The following CUX1 variants were observed in gnomAD, a reference collection of about 807,000 sequenced individuals.
CUX1 encodes the protein protein CASP.
A neutral mutation model predicts 158.8 loss-of-function variants in CUX1; 31 were observed. The ratio of observed to expected loss-of-function variants is 0.20; its 90% CI spans 0.15 to 0.26. CUX1 has a LOEUF of 0.26. CUX1 is among the 10% of genes least tolerant of loss of function. The pLI is 1.00. For synonymous variants in CUX1, 879 were observed against 862.1 expected (o/e 1.02, Z -0.34); for missense variants, 1,589 against 2,014.6 (o/e 0.79, Z 4.04).
At chr7:102,204,054 T>C (rs1795711824) in intron 18 of CUX1, among the ~76,000 whole-genome samples, 1 of 152,110 alleles carries the variant, frequency 6.6e-6, no homozygotes, top group African/African-American at 2.4e-5. Context: ...GCAAGGTGCT[T>C]GTACACACCT....
At chr7:102,110,105 G>A (rs1161721494) in intron 6 of CUX1, among the ~76,000 whole-genome samples, 1 of 152,158 alleles carries the variant, frequency 6.6e-6, no homozygotes, top group Non-Finnish European at 1.5e-5. Flanking sequence ...ACAGGGCAGG[G>A]AGATTATATT....
Position 101,916,932 on chromosome 7 carries a change from C to T in CUX1, c.141+707C>T, listed in dbSNP as rs939992310. ...TAAGAAAAAAAAAAAAACATCCAAG[C>T]GTGTTGCAGGCAGATGAGCAGTCGC... On this transcript the variant is annotated intron_variant, in intron 2 of 23. Coordinates refer to ENST00000292535, the MANE Select transcript of CUX1 (RefSeq NM_181552.4). The surrounding 1 kb of genome is among the most constrained non-coding windows in gnomAD (Gnocchi z 4.4). 7.2e-5 allele frequency among the ~76,000 whole-genome samples: 11 copies of T among 151,796 alleles called. No individual in the cohort carries two copies. Among genetic ancestry groups the T allele is most frequent in the South Asian group, 2.1e-4 (1 of 4,816 alleles).
Position 102,249,189 on chromosome 7 carries a change from C to G in CUX1, c.*147C>G. ...CCGGACCTGAGCCCGCAGCCCAGAC[C>G]CCCTCCACGGTCCGCGGCCTGCACC... On this transcript the variant is annotated 3_prime_UTR_variant, in exon 24 of 24. Coordinates refer to ENST00000292535, the MANE Select transcript of CUX1 (RefSeq NM_181552.4). The G allele has an allele frequency of 8.8e-7, 1 of 1,130,140 alleles. No homozygotes were observed. 70.0% of individuals were successfully genotyped at this position (1,130,140 alleles called of 1,614,324 possible).
At chr7:102,148,866 C>T (rs1835309249) in intron 8 of CUX1, among the ~76,000 whole-genome samples, 1 of 151,790 alleles carries the variant, frequency 6.6e-6, no homozygotes, top group Non-Finnish European at 1.5e-5. Flanking sequence ...CCGCAAGTCC[C>T]CAGAGTCCTT....
chr7:101,945,794 T>G (rs1207850479), intron 2 of CUX1, among the ~76,000 whole-genome samples: 3 of 152,206 alleles, frequency 2.0e-5, no homozygotes, highest in African/African-American at 7.2e-5. Flanking sequence ...CCAAACCTCC[T>G]GTGCTCAGGA....
At position 102,197,291 on chromosome 7, in the gene CUX1, A is replaced by G; in HGVS notation, c.1880A>G (p.Gln627Arg). 6.2e-7 allele frequency: 1 copy of G among 1,611,922 alleles called. No individual in the cohort carries two copies. Among genetic ancestry groups the G allele is most frequent in the Non-Finnish European group, 8.5e-7 (1 of 1,178,194 alleles). Residue 627 changes from glutamine to arginine, a missense_variant, in exon 15 of 24, where the codon CAA (glutamine) becomes CGA (arginine). Transcript: ENST00000292535. Reference sequence around the variant, plus strand: ...AACATCCTGGCCCTCCGTAGCATCCAAGGCAGACAAAGAGGTGAGAGACTG... The same window carrying G: ...AACATCCTGGCCCTCCGTAGCATCCGAGGCAGACAAAGAGGTGAGAGACTG... The part of the protein sequence containing the change: ...EQNILALRSI[Q>R]GRQRENPGQS...
intron 1 of CUX1, among the ~76,000 whole-genome samples, chr7:101,906,529 C>T (rs750269672): frequency 2.9e-4 from 44 of 151,932 alleles, no homozygotes; most frequent in Non-Finnish European, 4.7e-4. Context: ...GTGGTCTTAT[C>T]GATGGCCCCC....
intron 2 of CUX1, among the ~76,000 whole-genome samples, chr7:102,024,731 A>G (rs17134996): frequency 0.035 from 5,307 of 152,094 alleles, 344 homozygotes; most frequent in African/African-American, 0.12. Context: ...TGCTGGGATC[A>G]TAGTAATCTT....
At chr7:101,972,434 C>A (rs994787511) in intron 2 of CUX1, among the ~76,000 whole-genome samples, 1 of 152,196 alleles carries the variant, frequency 6.6e-6, no homozygotes, top group Non-Finnish European at 1.5e-5. Context: ...TTCTTGCCTC[C>A]TCGGACGGCA....
intron 20 of CUX1, chr7:102,280,949 G>A (rs1792021300): frequency 1.6e-6 from 2 of 1,267,574 alleles, no homozygotes; most frequent in Non-Finnish European, 2.2e-6. Flanking sequence ...AGCCCAGGCT[G>A]GAGGAGCCGC....
chr7:101,917,147 A>G (rs935465485), intron 2 of CUX1, among the ~76,000 whole-genome samples: 1 of 152,218 alleles, frequency 6.6e-6, no homozygotes, highest in African/African-American at 2.4e-5. Flanking sequence ...CATATAAGAC[A>G]TAGGAACATG....
intron 11 of CUX1, among the ~76,000 whole-genome samples, chr7:102,181,938 CA>C (rs1212247877): frequency 6.6e-6 from 1 of 152,202 alleles, no homozygotes. Flanking sequence ...GGCAAATTGG[CA>C]ACCTGATGCT....
At chr7:101,900,402 G>GAGA in intron 1 of CUX1, among the ~76,000 whole-genome samples, 1 of 152,340 alleles carries the variant, frequency 6.6e-6, no homozygotes, top group African/African-American at 2.4e-5. Flanking sequence ...GGGGCCATCT[G>GAGA]GCTGGCAGCA....
At chr7:102,124,993 G>A (rs1832462260) in intron 8 of CUX1, among the ~76,000 whole-genome samples, 1 of 152,076 alleles carries the variant, frequency 6.6e-6, no homozygotes, top group Admixed American at 6.6e-5. Flanking sequence ...TGTTGGCCAG[G>A]CTGGTCTCGA....
rs116359361 is a variant in CUX1 at position 102,105,353 on chromosome 7, G to A, written c.530+894G>A. On this transcript the variant is annotated intron_variant, in intron 6 of 23. Coordinates refer to ENST00000292535, the MANE Select transcript of CUX1 (RefSeq NM_181552.4). ...TATGTTAATGCCCTATGTAACTGAT[G>A]TGAGTTTTAGATTTCTAATGACTTA... 2.4e-3 allele frequency among the ~76,000 whole-genome samples: 371 copies of A among 152,106 alleles called. 1 individual carries two copies. Among genetic ancestry groups the A allele is most frequent in the African/African-American group, 8.6e-3 (358 of 41,488 alleles).
intron 8 of CUX1, chr7:102,153,358 CAG>C (rs566081417): frequency 6.6e-6 from 1 of 152,262 alleles, no homozygotes; most frequent in Non-Finnish European, 1.5e-5. Flanking sequence ...CTGGCAACAC[CAG>C]GTCGCAAGTG....
intron 8 of CUX1, among the ~76,000 whole-genome samples, chr7:102,132,322 C>A (rs1273782973): frequency 0.036 from 2 of 56 alleles, no homozygotes; most frequent in Non-Finnish European, 0.083. Context: ...CGCGCGCGCG[C>A]GCACGCCACG....
chr7:102,042,732 AT>A (rs1822263775), intron 3 of CUX1, among the ~76,000 whole-genome samples: 1 of 152,052 alleles, frequency 6.6e-6, no homozygotes, highest in Admixed American at 6.6e-5. Flanking sequence ...CCTCAGCTCT[AT>A]TAAAGTATCA....
At chr7:102,177,891 CTGTTTTTTTT>C (rs1367142651) in intron 10 of CUX1, among the ~76,000 whole-genome samples, 1 of 105,780 alleles carries the variant, frequency 9.5e-6, no homozygotes, top group Non-Finnish European at 1.9e-5. Flanking sequence ...GACTTTTCTC[CTGTTTTTTTT>C]TGTTTTTTTG....
Sources: gnomAD v4.1 joint callset for allele counts (sites outside exome capture counted in the v4.1 genomes callset) on GRCh38, gnomAD v4.1.1 for gene constraint, Gnocchi (gnomAD v3.1) non-coding constraint, MANE v1.5 for transcripts, NCBI Gene and HGNC (gene_info 2026-07-23, HGNC 2026-07-21) for gene names.